Variants in HELZ observed in about 807,000 individuals in gnomAD.
HELZ encodes the protein ATP-dependent RNA helicase with zinc finger domain.
Under a neutral mutation model 218.2 loss-of-function variants are expected in HELZ, and 23 were observed. The ratio of observed to expected loss-of-function variants is 0.11; its 90% CI spans 0.08 to 0.15. HELZ has a LOEUF of 0.15. Among genes scored for constraint, HELZ ranks in the 10% least tolerant of loss-of-function variants. HELZ has a pLI of 1.00. For missense variants in HELZ, 1,813 were observed against 2,353.7 expected (o/e 0.77, Z 4.75); for synonymous variants, 814 against 829.4 (o/e 0.98, Z 0.32).
At chr17:67,236,628 T>C (rs1273373481) in intron 3 of HELZ, among the ~76,000 whole-genome samples, 1 of 152,234 alleles carries the variant, frequency 6.6e-6, no homozygotes, top group Non-Finnish European at 1.5e-5. Flanking sequence ...AAATGTTTCA[T>C]GATATAGTAA....
At chr17:67,129,939 A>G (rs2037924227) in intron 23 of HELZ, among the ~76,000 whole-genome samples, 1 of 152,136 alleles carries the variant, frequency 6.6e-6, no homozygotes, top group Admixed American at 6.5e-5. Flanking sequence ...TTTCTTCCCA[A>G]GTTGGTATCC....
At chr17:67,109,950 C>T (rs368963501) in intron 28 of HELZ, among the ~76,000 whole-genome samples, 1 of 152,022 alleles carries the variant, frequency 6.6e-6, no homozygotes, top group Non-Finnish European at 1.5e-5. Context: ...TACTTTAATT[C>T]CTTTCAGGGC....
intron 24 of HELZ, among the ~76,000 whole-genome samples, chr17:67,125,815 G>C (rs2037777603): frequency 6.6e-6 from 1 of 152,124 alleles, no homozygotes; most frequent in Non-Finnish European, 1.5e-5. Context: ...AATCCCATGA[G>C]CCCTAAAAGC....
chr17:67,115,243 T>C (rs1473392801), intron 27 of HELZ, among the ~76,000 whole-genome samples: 1 of 151,706 alleles, frequency 6.6e-6, no homozygotes, highest in African/African-American at 2.4e-5. Context: ...GGCACAGAAA[T>C]AGAAACTACC....
chr17:67,079,826 C>T (rs1484291045), intron 32 of HELZ, among the ~76,000 whole-genome samples: 1 of 152,174 alleles, frequency 6.6e-6, no homozygotes, highest in Non-Finnish European at 1.5e-5. Context: ...TTGTTTATTA[C>T]CTATTTGCAG....
Position 67,108,274 on chromosome 17 carries a change from A to G in HELZ, c.4724+218T>C, listed in dbSNP as rs1699933391. Among the ~76,000 whole-genome samples, 1 of 152,234 alleles carries G rather than the reference A, an allele frequency of 6.6e-6. No individual in the cohort carries two copies. The highest frequency in any genetic ancestry group is 1.5e-5 in the Non-Finnish European group (1 of 68,042). ...AAGGGAACAAGTTAATTTCCAACCC[A>G]TAGTAGATCATCCATGCCTAAATTT... On this transcript the variant is annotated intron_variant, in intron 30 of 32. Coordinates refer to ENST00000358691, the MANE Select transcript of HELZ (RefSeq NM_014877.4). The surrounding 1 kb of genome is among the most constrained non-coding windows in gnomAD (Gnocchi z 4.1).
chr17:67,207,100 C>T (rs1431616557), intron 5 of HELZ, among the ~76,000 whole-genome samples: 8 of 150,532 alleles, frequency 5.3e-5, no homozygotes, highest in South Asian at 2.1e-4. Flanking sequence ...TTAGTAGAGA[C>T]GGCGGTTCTC....
At chr17:67,225,021 G>C in intron 3 of HELZ, 2 of 675,100 alleles carry the variant, frequency 3.0e-6, no homozygotes, top group South Asian at 2.8e-5. Context: ...TAAGAGAAAG[G>C]GTCAAGTGAT....
intron 3 of HELZ, among the ~76,000 whole-genome samples, chr17:67,236,155 G>C (rs1335114206): frequency 6.6e-6 from 1 of 152,088 alleles, no homozygotes; most frequent in African/African-American, 2.4e-5. Flanking sequence ...TATAGCAACT[G>C]ATATCAACAA....
At chr17:67,206,944 C>T (rs2040316296) in intron 5 of HELZ, among the ~76,000 whole-genome samples, 1 of 150,404 alleles carries the variant, frequency 6.6e-6, no homozygotes, top group African/African-American at 2.5e-5. Context: ...CAGAGTTTCG[C>T]TCTTGTTGCC....
chr17:67,181,476 G>C (rs1321427155), intron 12 of HELZ, among the ~76,000 whole-genome samples: 7 of 151,974 alleles, frequency 4.6e-5, no homozygotes, highest in African/African-American at 1.7e-4. Flanking sequence ...ATTCCCACCT[G>C]GATTTTATGA....
intron 3 of HELZ, among the ~76,000 whole-genome samples, chr17:67,238,343 G>A (rs1400115718): frequency 8.5e-6 from 1 of 118,320 alleles, no homozygotes; most frequent in Non-Finnish European, 1.7e-5. Flanking sequence ...CCAAGACTCT[G>A]TCTCTCAAAA....
rs762102419 is a variant in HELZ at position 67,071,895 on chromosome 17, G to GT, written c.*6356dup. The GT allele has an allele frequency of 1.3e-5, 2 of 152,466 alleles. No homozygotes were observed. Among genetic ancestry groups the GT allele is most frequent in the Non-Finnish European group, 2.9e-5 (2 of 68,028 alleles). The allele number at this position is 152,466 out of a possible 1,614,324, so 9.4% of individuals were successfully genotyped here. ...CAGAGACATTTATTTTCTGCCATAT[G>GT]TAACACTTCAGGCTCTCTCTAACAC... On this transcript the variant is annotated 3_prime_UTR_variant, in exon 33 of 33. Coordinates refer to ENST00000358691, the MANE Select transcript of HELZ (RefSeq NM_014877.4).
chr17:67,142,192 A>G (rs899540770), intron 21 of HELZ, among the ~76,000 whole-genome samples: 2 of 152,174 alleles, frequency 1.3e-5, no homozygotes, highest in African/African-American at 4.8e-5. Flanking sequence ...ATCCAACCAT[A>G]TCAGTAACAT....
chr17:67,242,245 C>G (rs1305826992), intron 2 of HELZ, among the ~76,000 whole-genome samples: 2 of 151,960 alleles, frequency 1.3e-5, no homozygotes, highest in Non-Finnish European at 2.9e-5. Context: ...GTGAAACCCT[C>G]TCTCTACTAA....
At position 67,075,692 on chromosome 17, in the gene HELZ, T is replaced by C. The variant is rs1394799154; in HGVS notation, c.*2560A>G. ...TGGTTGGAAAGATGGCATTATGTAATGCTGAGGAAGAGTAAGCTTGTTGTA... is the reference window on the plus strand; with the variant it reads ...TGGTTGGAAAGATGGCATTATGTAACGCTGAGGAAGAGTAAGCTTGTTGTA... On this transcript the variant is annotated 3_prime_UTR_variant, in exon 33 of 33. Coordinates refer to ENST00000358691, the MANE Select transcript of HELZ (RefSeq NM_014877.4). 1 of 152,206 alleles carries C rather than the reference T, an allele frequency of 6.6e-6. No individual in the cohort carries two copies. The highest frequency in any genetic ancestry group is 1.5e-5 in the Non-Finnish European group (1 of 68,036). 9.4% of individuals were successfully genotyped at this position (152,206 alleles called of 1,614,324 possible). A position where few individuals can be genotyped will look rare whatever the true frequency, so the allele number is the denominator to read the frequency against.
chr17:67,216,120 A>C (rs1035217478), intron 4 of HELZ, among the ~76,000 whole-genome samples, 185 bp from the exon 5 acceptor site: 4 of 152,114 alleles, frequency 2.6e-5, no homozygotes, highest in Admixed American at 2.6e-4. Flanking sequence ...AATAAACGTC[A>C]CAGTATACTT....
rs1188661464 is a variant in HELZ, at chr17:67,077,249, T to C, written c.*1003A>G. 2.6e-5 allele frequency: 4 copies of C among 152,554 alleles called. No individual in the cohort carries two copies. Among genetic ancestry groups the C allele is most frequent in the Non-Finnish European group, 5.9e-5 (4 of 68,010 alleles). The allele number at this position is 152,554 out of a possible 1,614,324, so 9.5% of individuals were successfully genotyped here. A position where few individuals can be genotyped will look rare whatever the true frequency, so the allele number is the denominator to read the frequency against. On this transcript the variant is annotated 3_prime_UTR_variant, in exon 33 of 33. Transcript: ENST00000358691. ...AATATTTGAATTGCCACGTATAATG[T>C]CACATTTTAATGTAAACATCAAATA...
At chr17:67,083,113 T>C (rs950518875) in intron 32 of HELZ, among the ~76,000 whole-genome samples, 1 of 151,982 alleles carries the variant, frequency 6.6e-6, no homozygotes, top group Non-Finnish European at 1.5e-5. Flanking sequence ...CGCTTCGGCC[T>C]CCCAAAGTGC....
Sources: allele counts gnomAD v4.1 joint callset (sites outside exome capture counted in the v4.1 genomes callset), GRCh38; gene constraint gnomAD v4.1.1; non-coding constraint Gnocchi (gnomAD v3.1); transcripts MANE v1.5; gene names NCBI Gene and HGNC (gene_info 2026-07-23, HGNC 2026-07-21).